The following CNBD1 variants were observed in gnomAD, a reference collection of about 807,000 sequenced individuals.
CNBD1 encodes the protein cyclic nucleotide binding domain containing 1, also known as cyclic nucleotide-binding domain-containing protein 1.
CNBD1 carries 71 observed loss-of-function variants against 54.4 expected under a neutral mutation model. That is an observed-to-expected ratio of 1.30 (90% CI 1.08 to 1.59). The LOEUF is 1.59. CNBD1 is among the 40% of genes most tolerant of loss of function. CNBD1 has a pLI of 0.00. For synonymous variants in CNBD1, 182 were observed against 170.7 expected, an observed-to-expected ratio of 1.07 and a Z score of -0.51; for missense variants, 659 against 518.0, an observed-to-expected ratio of 1.27 and a Z score of -2.64.
At chr8:87,037,041 G>A (rs1246616631) in intron 4 of CNBD1, among the ~76,000 whole-genome samples, 1 of 152,102 alleles carries the variant, frequency 6.6e-6, no homozygotes, top group African/African-American at 2.4e-5. Flanking sequence ...CTAGGAATTT[G>A]TAAATTTTTT....
chr8:87,185,085 A>G (rs1813445744), intron 4 of CNBD1, among the ~76,000 whole-genome samples: 1 of 152,184 alleles, frequency 6.6e-6, no homozygotes, highest in South Asian at 2.1e-4. Context: ...CTAAGGATAT[A>G]CTTTGTATGA....
intron 4 of CNBD1, among the ~76,000 whole-genome samples, chr8:86,957,850 G>C (rs557143457): frequency 6.6e-6 from 1 of 151,954 alleles, no homozygotes; most frequent in Admixed American, 6.6e-5. Context: ...TCTGATCTTA[G>C]TTATTTCTTA....
At chr8:87,416,716 T>A (rs1586089585) in intron 2 of CNBD1, among the ~76,000 whole-genome samples, 1 of 152,056 alleles carries the variant, frequency 6.6e-6, no homozygotes. Context: ...AAGAGGCAAT[T>A]GTTTACACTG....
At chr8:87,242,953 G>T (rs951817217) in intron 6 of CNBD1, among the ~76,000 whole-genome samples, 1 of 152,170 alleles carries the variant, frequency 6.6e-6, no homozygotes, top group African/African-American at 2.4e-5. Context: ...AGGACAGGGT[G>T]GAGGGAGGAA....
At chr8:87,000,780 T>G (rs1268050731) in intron 4 of CNBD1, among the ~76,000 whole-genome samples, 1 of 152,186 alleles carries the variant, frequency 6.6e-6, no homozygotes. Flanking sequence ...TATTGTTACA[T>G]TACAGATTTG....
intron 4 of CNBD1, among the ~76,000 whole-genome samples, chr8:87,043,673 C>G (rs1810121000): frequency 6.6e-6 from 1 of 152,174 alleles, no homozygotes; most frequent in Non-Finnish European, 1.5e-5. Flanking sequence ...AATCAGAAGA[C>G]TCATCACTGT....
At chr8:87,211,776 T>G (rs928799706) in intron 5 of CNBD1, among the ~76,000 whole-genome samples, 1 of 152,208 alleles carries the variant, frequency 6.6e-6, no homozygotes, top group Non-Finnish European at 1.5e-5. Flanking sequence ...ATTAAACCTC[T>G]TTTCTTTATA....
At chr8:87,225,618 G>A (rs1814465898) in intron 5 of CNBD1, among the ~76,000 whole-genome samples, 1 of 152,162 alleles carries the variant, frequency 6.6e-6, no homozygotes. Flanking sequence ...TAAGCTTTTT[G>A]AGGTGCTGCT....
chr8:87,402,894 A>G (rs888610188), intron 2 of CNBD1, among the ~76,000 whole-genome samples: 3 of 152,060 alleles, frequency 2.0e-5, no homozygotes, highest in Non-Finnish European at 4.4e-5. Context: ...ATAAATATTG[A>G]AGAATGGAGC....
intron 6 of CNBD1, among the ~76,000 whole-genome samples, chr8:87,277,121 A>G (rs1808499321): frequency 6.6e-6 from 1 of 151,594 alleles, no homozygotes; most frequent in Admixed American, 6.6e-5. Context: ...TAGATTTATT[A>G]TAAGGAATTA....
intron 6 of CNBD1, among the ~76,000 whole-genome samples, chr8:87,265,603 A>AT (rs1452332733): frequency 3.3e-5 from 5 of 152,160 alleles, no homozygotes; most frequent in African/African-American, 1.2e-4. Flanking sequence ...GATCAAATGA[A>AT]TGAAACTCTA....
chr8:87,125,535 G>C (rs936244506), intron 4 of CNBD1, among the ~76,000 whole-genome samples: 9 of 151,554 alleles, frequency 5.9e-5, no homozygotes, highest in African/African-American at 2.2e-4. Flanking sequence ...TCATTAATTT[G>C]ACCATTCCAT....
At chr8:87,109,094 C>A (rs1026760301) in intron 4 of CNBD1, among the ~76,000 whole-genome samples, 1 of 151,752 alleles carries the variant, frequency 6.6e-6, no homozygotes, top group African/African-American at 2.4e-5. Flanking sequence ...GATTTAATTG[C>A]AGGAAAATTT....
intron 8 of CNBD1, among the ~76,000 whole-genome samples, chr8:87,340,813 A>G (rs1467642193): frequency 1.3e-5 from 2 of 151,688 alleles, no homozygotes; most frequent in Non-Finnish European, 2.9e-5. Context: ...TTGTTCACAT[A>G]TTGTTTTTCT....
At chr8:87,417,484 C>T (rs1807856512) in intron 2 of CNBD1, among the ~76,000 whole-genome samples, 2 of 152,048 alleles carry the variant, frequency 1.3e-5, no homozygotes, top group South Asian at 4.1e-4. Context: ...GTAAAAATCA[C>T]CCCCTGGGAA....
chr8:87,217,019 G>A (rs1257172021), intron 5 of CNBD1, among the ~76,000 whole-genome samples: 2 of 152,090 alleles, frequency 1.3e-5, no homozygotes, highest in African/African-American at 4.8e-5. Flanking sequence ...CAGGAGAATG[G>A]CTCTTGATGT....
At chr8:87,201,778 T>C (rs1197800198) in intron 4 of CNBD1, among the ~76,000 whole-genome samples, 1 of 152,172 alleles carries the variant, frequency 6.6e-6, no homozygotes, top group Non-Finnish European at 1.5e-5. Flanking sequence ...TATTTATTTT[T>C]TGAGATGCAG....
chr8:87,032,960 C>G (rs757065068), intron 4 of CNBD1, among the ~76,000 whole-genome samples: 4 of 152,130 alleles, frequency 2.6e-5, no homozygotes, highest in Non-Finnish European at 4.4e-5. Flanking sequence ...TATCTTGAAA[C>G]CCTTCATCCC....
chr8:87,332,224 T>G (rs762383957), intron 8 of CNBD1, among the ~76,000 whole-genome samples: 2 of 152,066 alleles, frequency 1.3e-5, no homozygotes, highest in Non-Finnish European at 1.5e-5. Context: ...TGTGGGCACC[T>G]GTAATTCCAG....
Sources: allele counts gnomAD v4.1 joint callset (sites outside exome capture counted in the v4.1 genomes callset), GRCh38; gene constraint gnomAD v4.1.1; transcripts MANE v1.5; gene names NCBI Gene and HGNC (gene_info 2026-07-23, HGNC 2026-07-21).